APP: variants seen among roughly 807,000 people sequenced by gnomAD.
APP encodes amyloid-beta precursor protein.
A neutral mutation model predicts 101.4 loss-of-function variants in APP; 31 were observed. The observed-to-expected ratio is 0.31, with a 90% CI of 0.23 to 0.41. The LOEUF is 0.41. APP is among the 10% of genes least tolerant of loss of function. APP has a pLI of 1.00. For missense variants in APP, 839 were observed against 1,003.7 expected (o/e 0.84, Z 2.22); for synonymous variants, 366 against 364.4 (o/e 1.00, Z -0.05).
intron 17 of APP, among the ~76,000 whole-genome samples, chr21:25,885,807 T>A (rs931033370): frequency 1.3e-5 from 2 of 152,320 alleles, no homozygotes; most frequent in African/African-American, 4.8e-5. Flanking sequence ...TCCCTGAACT[T>A]GATTCATTGG....
intron 13 of APP, among the ~76,000 whole-genome samples, chr21:25,949,326 T>C (rs1004194914): frequency 1.3e-5 from 2 of 152,186 alleles, no homozygotes; most frequent in Admixed American, 1.3e-4. Flanking sequence ...AGGGTCATGG[T>C]ACAAAGAAGG....
At chr21:26,035,016 T>C (rs2045037648) in intron 5 of APP, among the ~76,000 whole-genome samples, 1 of 152,148 alleles carries the variant, frequency 6.6e-6, no homozygotes, top group Non-Finnish European at 1.5e-5. Flanking sequence ...CCAGGCATGG[T>C]GGCTCATGCC....
chr21:26,156,000 CAAA>C (rs757330872), intron 1 of APP, among the ~76,000 whole-genome samples: 6 of 90,162 alleles, frequency 6.7e-5, no homozygotes, highest in South Asian at 3.9e-4. Context: ...GACTTCGTCT[CAAA>C]AAAAAAAAAA....
chr21:26,083,013 G>A (rs2061627186), intron 3 of APP, among the ~76,000 whole-genome samples: 1 of 152,020 alleles, frequency 6.6e-6, no homozygotes, highest in Admixed American at 6.6e-5. Flanking sequence ...AGAAATTACA[G>A]GCGCTTTTAC....
chr21:25,881,613 A>T lies in APP; in HGVS notation c.*57T>A. The T allele has an allele frequency of 6.5e-7, 1 of 1,543,636 alleles. No individual in the cohort carries two copies. Among genetic ancestry groups the T allele is most frequent in the Non-Finnish European group, 9.0e-7 (1 of 1,116,410 alleles). Reference sequence around the variant, plus strand: ...CACATTATTCTATAAATGGACACCGATGGGTAGTGAAGCAATGGTTTTGCT... The same window carrying T: ...CACATTATTCTATAAATGGACACCGTTGGGTAGTGAAGCAATGGTTTTGCT... On this transcript the variant is annotated 3_prime_UTR_variant, in exon 18 of 18. Coordinates refer to ENST00000346798, the MANE Select transcript of APP (RefSeq NM_000484.4).
At chr21:25,895,161 T>C (rs965182472) in intron 16 of APP, among the ~76,000 whole-genome samples, 5 of 147,904 alleles carry the variant, frequency 3.4e-5, no homozygotes, top group African/African-American at 1.3e-4. Context: ...GACTAGAGTA[T>C]AGTGTAAATA....
At chr21:26,014,167 TACTGAGGCCTCCA>T (rs1206049024) in intron 6 of APP, among the ~76,000 whole-genome samples, 1 of 152,246 alleles carries the variant, frequency 6.6e-6, no homozygotes, top group Non-Finnish European at 1.5e-5. Flanking sequence ...AGCATGCTAC[TACTGAGGCCTCCA>T]ACTGAAGTAT....
chr21:26,140,279 C>T, intron 1 of APP: 9 of 1,535,572 alleles, frequency 5.9e-6, no homozygotes, highest in Non-Finnish European at 7.8e-6. Flanking sequence ...AAACTGTTAA[C>T]TGCAGTGACC....
intron 13 of APP, among the ~76,000 whole-genome samples, chr21:25,924,739 T>G (rs1329046976): frequency 1.3e-5 from 2 of 150,600 alleles, no homozygotes; most frequent in East Asian, 3.9e-4. Context: ...GTAACAAACC[T>G]GCATGCTCAG....
chr21:25,952,671 A>C (rs948311372), intron 13 of APP, among the ~76,000 whole-genome samples: 1 of 152,128 alleles, frequency 6.6e-6, no homozygotes, highest in African/African-American at 2.4e-5. Flanking sequence ...GTAATGGCTT[A>C]TTTCCCTATA....
At chr21:26,084,434 T>G (rs895217193) in intron 3 of APP, among the ~76,000 whole-genome samples, 11 of 152,220 alleles carry the variant, frequency 7.2e-5, no homozygotes, top group Admixed American at 5.2e-4. Context: ...GAGACGGGGT[T>G]TCACCGTTGT....
chr21:25,952,035 C>G (rs1323872314), intron 13 of APP, among the ~76,000 whole-genome samples: 1 of 152,066 alleles, frequency 6.6e-6, no homozygotes, highest in Non-Finnish European at 1.5e-5. Context: ...CTATAGAGAA[C>G]AGTCATTTAA....
chr21:25,994,744 T>C (rs2042989208), intron 8 of APP, among the ~76,000 whole-genome samples: 1 of 152,220 alleles, frequency 6.6e-6, no homozygotes, highest in African/African-American at 2.4e-5. Flanking sequence ...ACAGGCTTGC[T>C]TACCTTCTAG....
intron 2 of APP, among the ~76,000 whole-genome samples, chr21:26,093,398 C>T (rs77830735): frequency 0.027 from 4,158 of 152,242 alleles, 123 homozygotes; most frequent in East Asian, 0.13. Flanking sequence ...CAGGAGTCAT[C>T]GGTTTTCTAT....
At chr21:26,132,129 C>T (rs2062809803) in intron 1 of APP, among the ~76,000 whole-genome samples, 1 of 152,134 alleles carries the variant, frequency 6.6e-6, no homozygotes, top group South Asian at 2.1e-4. Context: ...AGACATTACA[C>T]TCACTGGGGC....
chr21:26,027,347 G>A (rs977150452), intron 5 of APP, among the ~76,000 whole-genome samples: 9 of 152,170 alleles, frequency 5.9e-5, no homozygotes. Context: ...AAGATAAACA[G>A]ACGGTTCTCC....
At chr21:26,046,764 A>C (rs2045628613) in intron 5 of APP, among the ~76,000 whole-genome samples, 1 of 152,004 alleles carries the variant, frequency 6.6e-6, no homozygotes. Context: ...GAATTCAGCA[A>C]CCCCCATGGA....
intron 14 of APP, among the ~76,000 whole-genome samples, chr21:25,909,911 T>A (rs2038983872): frequency 6.6e-6 from 1 of 152,180 alleles, no homozygotes; most frequent in Admixed American, 6.5e-5. Flanking sequence ...TTAATTATTT[T>A]TACATTGTCA....
intron 3 of APP, among the ~76,000 whole-genome samples, chr21:26,073,888 G>A (rs1288715316): frequency 6.6e-6 from 1 of 152,170 alleles, no homozygotes; most frequent in African/African-American, 2.4e-5. Flanking sequence ...TACTGAACAT[G>A]AGCCTATTCA....
Sources: gnomAD v4.1 joint callset for allele counts (sites outside exome capture counted in the v4.1 genomes callset) on GRCh38, gnomAD v4.1.1 for gene constraint, MANE v1.5 for transcripts, NCBI Gene and HGNC (gene_info 2026-07-23, HGNC 2026-07-21) for gene names.